Variants in TTLL6 observed in about 807,000 individuals in gnomAD.
TTLL6 encodes the protein tubulin polyglutamylase TTLL6.
In TTLL6, 75 loss-of-function variants were observed where a neutral mutation model predicts 96.4. That is an observed-to-expected ratio of 0.78 (90% CI 0.65 to 0.94). The LOEUF (loss-of-function observed/expected upper bound fraction) is 0.94, where lower values mean the gene tolerates loss of function less well. Ranked by LOEUF, TTLL6 falls within the 40% of genes least tolerant of loss-of-function variation. The probability of loss-of-function intolerance (pLI) is 0.00; values close to 1 mark genes in which losing one functional copy is unlikely to be tolerated. For synonymous variants in TTLL6, 411 were observed against 419.4 expected, an observed-to-expected ratio of 0.98 and a Z score of 0.24; for missense variants, 1,030 against 1,093.0, an observed-to-expected ratio of 0.94 and a Z score of 0.81.
intron 12 of TTLL6, 45 bp from the exon 13 acceptor site, chr17:48,785,246 T>A (rs1212816206): frequency 1.2e-6 from 2 of 1,611,546 alleles, no homozygotes; most frequent in South Asian, 2.2e-5. Context: ...GGAACCCAGC[T>A]CTATCCACTT....
chr17:48,793,104 G>C (rs2039256099), intron 8 of TTLL6, among the ~76,000 whole-genome samples: 1 of 152,170 alleles, frequency 6.6e-6, no homozygotes, highest in African/African-American at 2.4e-5. Flanking sequence ...CCTTCACTGT[G>C]ACCGCAGCAC....
At position 48,797,126 on chromosome 17, in the gene TTLL6, C is replaced by T. The variant is rs1053865226; in HGVS notation, c.847G>A (p.Val283Met). The change falls in exon 7 of 16, where the codon GTG becomes ATG. Residue 283 changes from valine to methionine, a missense_variant. Coordinates refer to ENST00000393382, the MANE Select transcript of TTLL6 (RefSeq NM_001130918.3). ...VTSCDPLRIFVYNEGLARFAT... is the reference protein window; with the variant it reads ...VTSCDPLRIFMYNEGLARFAT... The stretch of plus-strand genomic sequence containing the variant: ...AAGCGGGCCAGTCCTTCATTGTACA[C>T]AAAAATCCTGAGAGGGTCACAGGAT... The T allele has an allele frequency of 1.1e-5, 17 of 1,551,438 alleles. No homozygotes were observed. Among genetic ancestry groups the T allele is most frequent in the Non-Finnish European group, 1.5e-5 (17 of 1,146,964 alleles).
chr17:48,802,961 G>C (rs2039449696), intron 3 of TTLL6, among the ~76,000 whole-genome samples: 1 of 152,032 alleles, frequency 6.6e-6, no homozygotes, highest in Admixed American at 6.6e-5. Flanking sequence ...CCTCAGGTTG[G>C]GAGCCCAAGA....
intron 1 of TTLL6, among the ~76,000 whole-genome samples, chr17:48,808,433 T>C (rs909681735): frequency 2.0e-5 from 3 of 151,918 alleles, no homozygotes; most frequent in Admixed American, 1.3e-4. Flanking sequence ...CCCAGAGGGA[T>C]TGCATATTCC....
chr17:48,805,713 C>G (rs2039495318), intron 1 of TTLL6, among the ~76,000 whole-genome samples: 1 of 152,238 alleles, frequency 6.6e-6, no homozygotes, highest in African/African-American at 2.4e-5. Context: ...CGGCTCACGC[C>G]TGTAATCCCA....
intron 5 of TTLL6, chr17:48,799,962 G>A (rs894252039): frequency 3.5e-6 from 2 of 573,284 alleles, no homozygotes; most frequent in African/African-American, 3.7e-5. Flanking sequence ...TCAGGCCTGG[G>A]TTGAAGCCCA....
At chr17:48,786,053 G>C (rs2039084241) in intron 12 of TTLL6, 111 bp downstream of exon 12, 1 of 1,508,866 alleles carries the variant, frequency 6.6e-7, no homozygotes, top group Non-Finnish European at 9.0e-7. Flanking sequence ...CCTCTGCACA[G>C]CCTTTCGGTG....
intron 1 of TTLL6, among the ~76,000 whole-genome samples, chr17:48,814,827 T>C (rs2143510668): frequency 6.6e-6 from 1 of 152,338 alleles, no homozygotes; most frequent in Middle Eastern, 3.4e-3. Context: ...TTGCCCAGGC[T>C]GGAGTGCAAT....
chr17:48,796,854 C>T lies in TTLL6; in HGVS notation c.912+207G>A, dbSNP rs538280913. Among the ~76,000 whole-genome samples, 16 of 152,250 alleles carry T rather than the reference C, an allele frequency of 1.1e-4. No individual in the cohort carries two copies. In the East Asian group the frequency reaches 2.9e-3, roughly 28 times the overall value. On this transcript the variant is annotated intron_variant, in intron 7 of 15. Coordinates refer to ENST00000393382, the MANE Select transcript of TTLL6 (RefSeq NM_001130918.3). Reference sequence around the variant, plus strand: ...TGTGACCTTGGACAAGTCCCTTATGCTCTGGGTTTTAATCTCGTCATCTGT... The same window carrying T: ...TGTGACCTTGGACAAGTCCCTTATGTTCTGGGTTTTAATCTCGTCATCTGT...
intron 15 of TTLL6, 78 bp downstream of exon 15, chr17:48,768,911 T>C: frequency 6.9e-7 from 1 of 1,459,300 alleles, no homozygotes; most frequent in Non-Finnish European, 9.5e-7. Flanking sequence ...TCCATCCTCC[T>C]ACCTACCCAA....
chr17:48,815,681 C>G (rs1056804214), intron 1 of TTLL6: 11 of 152,214 alleles, frequency 7.2e-5, no homozygotes, highest in African/African-American at 2.2e-4. Flanking sequence ...AGCCCGGGGC[C>G]TGAAAGGGTC....
intron 8 of TTLL6, among the ~76,000 whole-genome samples, chr17:48,795,113 G>T (rs1022262584): frequency 2.6e-5 from 4 of 152,144 alleles, no homozygotes; most frequent in African/African-American, 7.2e-5. Context: ...AGATCACGAG[G>T]TGAAGAGATC....
At chr17:48,803,258 G>T (rs553060420) in intron 3 of TTLL6, among the ~76,000 whole-genome samples, 1 of 152,288 alleles carries the variant, frequency 6.6e-6, no homozygotes, top group Admixed American at 6.5e-5. Context: ...ACTTTGGGAG[G>T]CCGAGGCGGG....
Position 48,799,621 on chromosome 17 carries a change from G to A in TTLL6, c.751C>T (p.Gln251Ter). ...GGAAGTACCTTTGAAATATACAGCT[G>A]ACAGATCATATCCTCCCCTGGTTTG... ...EIKPGEDMIC[Q>*]LYISKPFIID... The change falls in exon 6 of 16, where the codon CAG becomes TAG. Residue 251 changes from glutamine to a stop codon, truncating the protein, a stop_gained. Transcript: ENST00000393382. LOFTEE classifies it high-confidence loss of function. 6.4e-7 allele frequency: 1 copy of A among 1,551,928 alleles called. No individual in the cohort carries two copies. The highest frequency in any genetic ancestry group is 8.7e-7 in the Non-Finnish European group (1 of 1,147,060).
chr17:48,764,991 T>G (rs2038569257), intron 15 of TTLL6, among the ~76,000 whole-genome samples: 1 of 152,240 alleles, frequency 6.6e-6, no homozygotes, highest in South Asian at 2.1e-4. Flanking sequence ...ACAGATAGTA[T>G]GGCTTCAAGA....
chr17:48,786,595 A>T (rs149382028), intron 11 of TTLL6, among the ~76,000 whole-genome samples: 6 of 152,316 alleles, frequency 3.9e-5, no homozygotes, highest in Admixed American at 3.9e-4. Context: ...TCCCTAGTCC[A>T]TCACAGCCCT....
chr17:48,811,068 C>CTTTTTT (rs35618180), intron 1 of TTLL6, among the ~76,000 whole-genome samples: 2 of 110,534 alleles, frequency 1.8e-5, no homozygotes, highest in Non-Finnish European at 3.6e-5. Context: ...TATTATTTTT[C>CTTTTTT]TTTTTTTTTT....
At position 48,802,078 on chromosome 17, in the gene TTLL6, A is replaced by AAAAGAAAG. The variant is rs139321404; in HGVS notation, c.362-443_362-436dup. On this transcript the variant is annotated intron_variant, in intron 3 of 15. Coordinates refer to ENST00000393382, the MANE Select transcript of TTLL6 (RefSeq NM_001130918.3). Reference sequence around the variant, plus strand: ...AGAAAGAAAAGAAAAGAAAGAAAGAAAAAGAAAGAAAGAAAGAAAGAAAGA... The same window carrying AAAAGAAAG: ...AGAAAGAAAAGAAAAGAAAGAAAGAAAAAGAAAGAAAGAAAGAAAGAAAGAAAGAAAGA... 2.6e-3 allele frequency among the ~76,000 whole-genome samples: 316 copies of AAAAGAAAG among 121,436 alleles called. 6 individuals are homozygous for AAAAGAAAG. Among genetic ancestry groups the AAAAGAAAG allele is most frequent in the East Asian group, 9.7e-3 (37 of 3,806 alleles). 79.7% of individuals were successfully genotyped at this position (121,436 alleles called of 152,430 possible).
At chr17:48,797,717 G>A (rs1419702749) in intron 6 of TTLL6, among the ~76,000 whole-genome samples, 1 of 151,200 alleles carries the variant, frequency 6.6e-6, no homozygotes, top group Non-Finnish European at 1.5e-5. Context: ...AGCCCCGGGG[G>A]GCAGAAATTG....
Sources: allele counts gnomAD v4.1 joint callset (sites outside exome capture counted in the v4.1 genomes callset), GRCh38; gene constraint gnomAD v4.1.1; transcripts MANE v1.5; gene names NCBI Gene and HGNC (gene_info 2026-07-23, HGNC 2026-07-21).